Variants in ARID2 observed in about 807,000 individuals in gnomAD.
The protein encoded by ARID2 is AT-rich interactive domain-containing protein 2.
Under a neutral mutation model 184.6 loss-of-function variants are expected in ARID2, and 32 were observed. That is an observed-to-expected ratio of 0.17 (90% CI 0.13 to 0.23). The LOEUF (loss-of-function observed/expected upper bound fraction) is 0.23, where lower values mean the gene tolerates loss of function less well. Ranked by LOEUF, ARID2 falls within the 10% of genes least tolerant of loss-of-function variation. ARID2 has a pLI of 1.00. For missense variants in ARID2, 1,696 were observed against 2,197.6 expected (o/e 0.77, Z 4.56); for synonymous variants, 836 against 772.6 (o/e 1.08, Z -1.36).
intron 3 of ARID2, chr12:45,776,096 A>T (rs1054237677): frequency 1.2e-5 from 2 of 168,770 alleles, no homozygotes; most frequent in African/African-American, 4.8e-5. Flanking sequence ...ATACTTCATG[A>T]GACTCTACAG....
intron 3 of ARID2, among the ~76,000 whole-genome samples, chr12:45,754,230 C>T (rs991990890): frequency 4.6e-5 from 7 of 152,160 alleles, no homozygotes; most frequent in African/African-American, 1.4e-4. Context: ...CTGAGTGATG[C>T]AGGTAAGTGC....
rs2138179704 is a variant in ARID2 at position 45,852,562 on chromosome 12, G to T, written c.4439G>T (p.Gly1480Val). The change falls in exon 15 of 21, where the codon GGA (glycine) becomes GTA (valine). Residue 1480 changes from glycine (G) to valine (V), a missense_variant. Physicochemically the swap from Gly to Val is moderately radical, Grantham distance 109. Coordinates refer to ENST00000334344, the MANE Select transcript of ARID2 (RefSeq NM_152641.4). ...CATTCTACAACCTCTGTTATACAGG[G>T]ACATCAAATCATAGCAGTTCCCGAC... Reference protein sequence around the residue: ...SPHSTTSVIQGHQIIAVPDSG... With the variant: ...SPHSTTSVIQVHQIIAVPDSG... 1 of 1,614,152 alleles carries T rather than the reference G, an allele frequency of 6.2e-7. No individual in the cohort carries two copies. Among genetic ancestry groups the T allele is most frequent in the Non-Finnish European group, 8.5e-7 (1 of 1,180,012 alleles).
intron 18 of ARID2, among the ~76,000 whole-genome samples, chr12:45,892,906 A>T (rs779484602): frequency 2.0e-5 from 3 of 152,172 alleles, no homozygotes; most frequent in Non-Finnish European, 4.4e-5. Context: ...TAAGATATGT[A>T]AGTAATAGTT....
At position 45,848,852 on chromosome 12, in the gene ARID2, G is replaced by A; in HGVS notation, c.1597G>A (p.Glu533Lys). The part of the protein sequence containing the change: ...FACQWLNAHF[E>K]VNPDCSVSRA... Reference sequence around the variant, plus strand: ...CTCTTTTAGGCTAAATGCTCATTTTGAAGTAAATCCAGATTGTTCTGTTTC... The same window carrying A: ...CTCTTTTAGGCTAAATGCTCATTTTAAAGTAAATCCAGATTGTTCTGTTTC... Residue 533 changes from glutamate to lysine, a missense_variant, in exon 13 of 21, where the codon GAA becomes AAA. By Grantham distance (56) the Glu-to-Lys change is moderately conservative (BLOSUM62 1). Around this residue, in one of 11 missense-constraint regions of ARID2, gnomAD observed 713 missense variants for 824.4 expected, o/e 0.86. Transcript: ENST00000334344. 6.2e-7 allele frequency: 1 copy of A among 1,610,964 alleles called. No individual in the cohort carries two copies. Among genetic ancestry groups the A allele is most frequent in the Non-Finnish European group, 8.5e-7 (1 of 1,178,282 alleles).
chr12:45,892,493 T>TATAC (rs1555160806), intron 18 of ARID2, among the ~76,000 whole-genome samples: 38 of 151,842 alleles, frequency 2.5e-4, no homozygotes, highest in African/African-American at 8.2e-4. Context: ...TATATATATA[T>TATAC]ACACACACAT....
chr12:45,833,213 T>TG lies in ARID2; in HGVS notation c.706-3371dup, dbSNP rs370563286. On this transcript the variant is annotated intron_variant, in intron 6 of 20. Transcript: ENST00000334344. Reference sequence around the variant, plus strand: ...TTTTTTGACTTTACTATGGTTTTATTGGGGGTATTAAATGCATTACGATGT... The same window carrying TG: ...TTTTTTGACTTTACTATGGTTTTATTGGGGGGTATTAAATGCATTACGATGT... Among the ~76,000 whole-genome samples the TG allele has an allele frequency of 1.8e-3, 278 of 152,286 alleles. 1 individual carries two copies. Among genetic ancestry groups the TG allele is most frequent in the African/African-American group, 6.2e-3 (256 of 41,562 alleles).
chr12:45,777,124 A>AT (rs1013480706), intron 3 of ARID2, among the ~76,000 whole-genome samples: 2 of 151,898 alleles, frequency 1.3e-5, no homozygotes, highest in Admixed American at 6.6e-5. Context: ...GATATTTTAT[A>AT]TAAAAAAGGA....
intron 6 of ARID2, among the ~76,000 whole-genome samples, chr12:45,827,285 A>G (rs982371342): frequency 6.6e-6 from 1 of 152,124 alleles, no homozygotes; most frequent in Non-Finnish European, 1.5e-5. Context: ...AAAATATTGT[A>G]TAATTAGTTA....
At chr12:45,790,132 C>T (rs956592942) in intron 3 of ARID2, among the ~76,000 whole-genome samples, 1 of 151,916 alleles carries the variant, frequency 6.6e-6, no homozygotes, top group Non-Finnish European at 1.5e-5. Flanking sequence ...TTATTCAGTT[C>T]TATTATCTAT....
intron 3 of ARID2, chr12:45,789,518 A>T (rs1283909248): frequency 6.6e-6 from 1 of 152,156 alleles, no homozygotes; most frequent in Non-Finnish European, 1.5e-5. Flanking sequence ...ATGCTTGAGG[A>T]TAATATGTAT....
intron 3 of ARID2, among the ~76,000 whole-genome samples, chr12:45,736,756 G>C (rs1330240209): frequency 6.6e-6 from 1 of 152,212 alleles, no homozygotes; most frequent in Non-Finnish European, 1.5e-5. Context: ...ATGAAAAGAA[G>C]ACGAAATGAA....
chr12:45,758,376 G>A (rs571812754), intron 3 of ARID2, among the ~76,000 whole-genome samples: 1 of 151,514 alleles, frequency 6.6e-6, no homozygotes, highest in South Asian at 2.1e-4. Context: ...TTGTGCGATC[G>A]ATTTTTTTTT....
intron 14 of ARID2, 41 bp downstream of exon 14, chr12:45,849,817 A>T (rs746830103): frequency 2.7e-5 from 42 of 1,551,998 alleles, no homozygotes; most frequent in Non-Finnish European, 3.5e-5. Context: ...TACTGATTTA[A>T]TAATAAAACT....
At position 45,849,648 on chromosome 12, in the gene ARID2, A is replaced by G. The variant is rs1943504668; in HGVS notation, c.1784A>G (p.His595Arg). Reference protein sequence around the residue: ...DSSSNGQAHIHVVGVKRRAIP... With the variant: ...DSSSNGQAHIRVVGVKRRAIP... ...AGTAGCAATGGGCAGGCACATATTCATGTGGTAGGAGTAAAACGGAGGGCT... is the reference window on the plus strand; with the variant it reads ...AGTAGCAATGGGCAGGCACATATTCGTGTGGTAGGAGTAAAACGGAGGGCT... Residue 595 changes from histidine to arginine, a missense_variant, in exon 14 of 21, where the codon CAT becomes CGT. Physicochemically the swap from His to Arg is conservative, Grantham distance 29. Coordinates refer to ENST00000334344, the MANE Select transcript of ARID2 (RefSeq NM_152641.4). The G allele has an allele frequency of 1.9e-6, 3 of 1,613,766 alleles. No individual in the cohort carries two copies. The highest frequency in any genetic ancestry group is 8.5e-7 in the Non-Finnish European group (1 of 1,179,742).
intron 3 of ARID2, among the ~76,000 whole-genome samples, chr12:45,810,111 T>A (rs1452966608): frequency 6.6e-6 from 1 of 152,192 alleles, no homozygotes; most frequent in Non-Finnish European, 1.5e-5. Flanking sequence ...GTAGAACTTT[T>A]CTTTGGTAAA....
rs527253255 is a variant in ARID2 at position 45,863,172 on chromosome 12, G to A, written c.4922+2223G>A. 2.6e-5 allele frequency among the ~76,000 whole-genome samples: 4 copies of A among 152,296 alleles called. No individual in the cohort carries two copies. The South Asian group carries it at 8.3e-4, about 32-fold the overall frequency. Reference sequence around the variant, plus strand: ...ACTACAAGCATTACATTTTAGTTGAGTCTTAAAGAATGAGTAGGAATTTTT... The same window carrying A: ...ACTACAAGCATTACATTTTAGTTGAATCTTAAAGAATGAGTAGGAATTTTT... On this transcript the variant is annotated intron_variant, in intron 16 of 20. Coordinates refer to ENST00000334344, the MANE Select transcript of ARID2 (RefSeq NM_152641.4).
chr12:45,907,998 T>G lies in ARID2; in HGVS notation c.*2920T>G, dbSNP rs1005510079. On this transcript the variant is annotated 3_prime_UTR_variant, in exon 21 of 21. Transcript: ENST00000334344. ...CTTTATAGTCATGTCATGTATGTTT[T>G]TTTAACCATGAAATGACAATAAAAT... 12 of 227,986 alleles carry G rather than the reference T, an allele frequency of 5.3e-5. No homozygotes were observed. The highest frequency in any genetic ancestry group is 1.0e-4 in the Non-Finnish European group (12 of 114,912). The allele number at this position is 227,986 out of a possible 1,614,324, so 14.1% of individuals were successfully genotyped here. A position where few individuals can be genotyped will look rare whatever the true frequency, so the allele number is the denominator to read the frequency against.
Position 45,762,666 on chromosome 12 carries a change from G to A in ARID2, c.284+31352G>A, listed in dbSNP as rs949048920. Among the ~76,000 whole-genome samples the A allele has an allele frequency of 4.6e-5, 7 of 152,272 alleles. No individual in the cohort carries two copies. In the South Asian group the frequency reaches 1.0e-3, roughly 23 times the overall value. The stretch of plus-strand genomic sequence containing the variant: ...CCAGCAATGTTTATATTACCTCAGC[G>A]TCATCTGTAGAGTGGGATTCATAGG... On this transcript the variant is annotated intron_variant, in intron 3 of 20. Coordinates refer to ENST00000334344, the MANE Select transcript of ARID2 (RefSeq NM_152641.4).
intron 4 of ARID2, among the ~76,000 whole-genome samples, chr12:45,814,666 CCCT>C (rs1298538363): frequency 6.6e-6 from 1 of 152,050 alleles, no homozygotes; most frequent in African/African-American, 2.4e-5. Flanking sequence ...TAATAAACTT[CCCT>C]CCTCATTCCA....
Sources: gnomAD v4.1 joint callset for allele counts (sites outside exome capture counted in the v4.1 genomes callset) on GRCh38, gnomAD v4.1.1 for gene constraint, gnomAD v4.1.1 regional missense constraint, MANE v1.5 for transcripts, NCBI Gene and HGNC (gene_info 2026-07-23, HGNC 2026-07-21) for gene names.